THSD7B: variants seen among roughly 807,000 people sequenced by gnomAD.
THSD7B encodes the protein thrombospondin type 1 domain containing 7B, also known as thrombospondin type-1 domain-containing protein 7B.
THSD7B carries 138 observed loss-of-function variants against 213.6 expected under a neutral mutation model. The ratio of observed to expected loss-of-function variants is 0.65; its 90% CI spans 0.56 to 0.74. The LOEUF (loss-of-function observed/expected upper bound fraction) is 0.74. Among genes scored for constraint, THSD7B ranks in the 30% least tolerant of loss-of-function variants. THSD7B has a pLI of 0.00. For synonymous variants in THSD7B, 742 were observed against 687.0 expected (o/e 1.08, Z -1.25); for missense variants, 1,931 against 1,991.5 (o/e 0.97, Z 0.58).
chr2:136,915,299 C>T (rs116085172), intron 2 of THSD7B, among the ~76,000 whole-genome samples: 66 of 152,256 alleles, frequency 4.3e-4, no homozygotes, highest in African/African-American at 1.5e-3. Context: ...TAGAAATAAT[C>T]GGAGTACTCA....
chr2:137,141,484 A>G (rs1398274881), intron 5 of THSD7B, among the ~76,000 whole-genome samples: 3 of 67,830 alleles, frequency 4.4e-5, no homozygotes, highest in African/African-American at 2.1e-4. Context: ...ACATGTGTGC[A>G]CACACACACT....
intron 14 of THSD7B, among the ~76,000 whole-genome samples, chr2:137,415,535 A>C (rs958336921): frequency 1.3e-5 from 2 of 152,162 alleles, no homozygotes; most frequent in African/African-American, 2.4e-5. Context: ...GCAAAAGTGC[A>C]TGGTGTCGTC....
At chr2:136,797,397 G>GT (rs1395054506) in intron 1 of THSD7B, among the ~76,000 whole-genome samples, 1 of 151,926 alleles carries the variant, frequency 6.6e-6, no homozygotes, top group Non-Finnish European at 1.5e-5. Flanking sequence ...TGGAGAAGGC[G>GT]TAAGTCTTTC....
chr2:137,585,852 G>T (rs1681712708), intron 17 of THSD7B, among the ~76,000 whole-genome samples: 3 of 152,144 alleles, frequency 2.0e-5, no homozygotes, highest in Admixed American at 6.6e-5. Flanking sequence ...ATGTCTATTA[G>T]GTCCGCTTGG....
intron 2 of THSD7B, among the ~76,000 whole-genome samples, chr2:136,979,594 T>C (rs1289885459): frequency 3.3e-5 from 5 of 152,236 alleles, no homozygotes; most frequent in African/African-American, 9.6e-5. Flanking sequence ...GGTTGCATTG[T>C]GAAGTTCTCA....
At chr2:137,424,567 T>C (rs1378307123) in intron 14 of THSD7B, among the ~76,000 whole-genome samples, 3 of 152,148 alleles carry the variant, frequency 2.0e-5, no homozygotes. Context: ...GATGCAAAGA[T>C]GTTTCAAAAT....
chr2:137,286,937 C>G (rs751887376), intron 12 of THSD7B, among the ~76,000 whole-genome samples: 15 of 152,148 alleles, frequency 9.9e-5, no homozygotes, highest in Non-Finnish European at 2.1e-4. Flanking sequence ...AGGACATGAA[C>G]TCTCTGTCCA....
At chr2:136,893,154 G>C (rs1365504041) in intron 2 of THSD7B, among the ~76,000 whole-genome samples, 1 of 152,072 alleles carries the variant, frequency 6.6e-6, no homozygotes, top group East Asian at 1.9e-4. Context: ...ATGTTGAACT[G>C]GGTTAATTTT....
intron 7 of THSD7B, among the ~76,000 whole-genome samples, chr2:137,172,791 G>C (rs1435514486): frequency 1.3e-5 from 2 of 152,186 alleles, no homozygotes; most frequent in Non-Finnish European, 2.9e-5. Flanking sequence ...GAAGGACTGA[G>C]ACCATAACCT....
At chr2:136,859,695 A>G (rs139122247) in intron 1 of THSD7B, among the ~76,000 whole-genome samples, 131 of 152,310 alleles carry the variant, frequency 8.6e-4, no homozygotes, top group African/African-American at 3.1e-3. Context: ...GGTCAAGCAT[A>G]CTTGGCCACA....
chr2:136,786,770 T>C (rs2104910676), intron 1 of THSD7B, among the ~76,000 whole-genome samples: 1 of 152,336 alleles, frequency 6.6e-6, no homozygotes, highest in South Asian at 2.1e-4. Flanking sequence ...ATTACTTTCT[T>C]CTGTGTGTAG....
chr2:137,172,588 C>T (rs1573866876), intron 7 of THSD7B, among the ~76,000 whole-genome samples: 1 of 152,272 alleles, frequency 6.6e-6, no homozygotes, highest in East Asian at 1.9e-4. Flanking sequence ...TCTGGCTTTT[C>T]ATGTATATTC....
intron 15 of THSD7B, among the ~76,000 whole-genome samples, chr2:137,493,645 G>C (rs1679486326): frequency 6.6e-6 from 1 of 152,244 alleles, no homozygotes; most frequent in Non-Finnish European, 1.5e-5. Context: ...ATGCACTGGA[G>C]AGAAACAAAG....
At chr2:137,290,104 A>G (rs1042990064) in intron 12 of THSD7B, among the ~76,000 whole-genome samples, 1 of 146,146 alleles carries the variant, frequency 6.8e-6, no homozygotes, top group African/African-American at 2.5e-5. Context: ...AGCCCCAAAG[A>G]GTTTTCTTTT....
intron 2 of THSD7B, among the ~76,000 whole-genome samples, chr2:136,989,086 C>A (rs953955269): frequency 1.3e-5 from 2 of 152,152 alleles, no homozygotes; most frequent in Non-Finnish European, 2.9e-5. Context: ...TCTCTAGGAG[C>A]AGATGGACAT....
chr2:136,799,955 C>A (rs1412648271), intron 1 of THSD7B, among the ~76,000 whole-genome samples: 1 of 151,814 alleles, frequency 6.6e-6, no homozygotes, highest in Admixed American at 6.6e-5. Flanking sequence ...ATGTCAATAT[C>A]CTGGTACTAC....
At chr2:137,387,208 T>C (rs1685916366) in intron 12 of THSD7B, among the ~76,000 whole-genome samples, 1 of 152,240 alleles carries the variant, frequency 6.6e-6, no homozygotes, top group Non-Finnish European at 1.5e-5. Flanking sequence ...AGGAGATTTT[T>C]GGAGGGTTCC....
intron 4 of THSD7B, among the ~76,000 whole-genome samples, chr2:137,111,740 T>G (rs1324926512): frequency 6.6e-6 from 1 of 152,168 alleles, no homozygotes; most frequent in Non-Finnish European, 1.5e-5. Context: ...GCCAGACACT[T>G]TGAAAAAAGC....
chr2:137,549,317 T>G (rs1489998426), intron 15 of THSD7B, among the ~76,000 whole-genome samples: 2 of 145,708 alleles, frequency 1.4e-5, no homozygotes, highest in Non-Finnish European at 3.0e-5. Flanking sequence ...GCTCTTTTTT[T>G]TTTTTTTTTT....
Sources: allele counts gnomAD v4.1 joint callset (sites outside exome capture counted in the v4.1 genomes callset), GRCh38; gene constraint gnomAD v4.1.1; transcripts MANE v1.5; gene names NCBI Gene and HGNC (gene_info 2026-07-23, HGNC 2026-07-21).